HOATZ: variants seen among roughly 807,000 people sequenced by gnomAD.
HOATZ encodes the protein HOATZ cilia and flagella associated protein.
HOATZ carries 26 observed loss-of-function variants against 24.9 expected under a neutral mutation model. The ratio of observed to expected loss-of-function variants is 1.04; its 90% confidence interval spans 0.76 to 1.45. The LOEUF (loss-of-function observed/expected upper bound fraction) is 1.45. Among genes scored for constraint, HOATZ ranks in the 40% most tolerant of loss-of-function variants. The probability of loss-of-function intolerance (pLI) is 0.00; values close to 1 mark genes in which losing one functional copy is unlikely to be tolerated. For synonymous variants in HOATZ, 83 were observed against 76.6 expected, an observed-to-expected ratio of 1.08 and a Z score of -0.43; for missense variants, 226 against 201.5, an observed-to-expected ratio of 1.12 and a Z score of -0.74.
At chr11:111,519,737 C>T (rs1326838278) in intron 3 of HOATZ, among the ~76,000 whole-genome samples, 1 of 152,142 alleles carries the variant, frequency 6.6e-6, no homozygotes, top group Non-Finnish European at 1.5e-5. Flanking sequence ...TGAACATATA[C>T]ATTGATAAGT....
At chr11:111,526,640 G>A (rs1208536293) in intron 3 of HOATZ, 1 of 152,158 alleles carries the variant, frequency 6.6e-6, no homozygotes, top group Non-Finnish European at 1.5e-5. Flanking sequence ...TACAAGTTTA[G>A]TTTAGACTTA....
chr11:111,522,808 A>T (rs1322450341), intron 3 of HOATZ, among the ~76,000 whole-genome samples: 2 of 152,048 alleles, frequency 1.3e-5, no homozygotes, highest in African/African-American at 4.8e-5. Context: ...ATTTGCAGAC[A>T]TGCGGAAAGT....
At chr11:111,533,599 G>A in intron 3 of HOATZ, 147 bp from the exon 4 acceptor site, 1 of 504,890 alleles carries the variant, frequency 2.0e-6, no homozygotes, top group South Asian at 2.6e-5. Context: ...CAGGATTTTG[G>A]CACAAACAAA....
intron 3 of HOATZ, among the ~76,000 whole-genome samples, chr11:111,532,932 G>A (rs574748119): frequency 1.1e-4 from 16 of 152,060 alleles, no homozygotes; most frequent in Middle Eastern, 3.4e-3. Flanking sequence ...GTGATTTTCC[G>A]CCTGGCTATC....
intron 5 of HOATZ, chr11:111,536,004 G>T (rs1867446900): frequency 6.6e-6 from 1 of 152,112 alleles, no homozygotes; most frequent in South Asian, 2.1e-4. Flanking sequence ...GCATTACTCT[G>T]TGCCCATATT....
intron 2 of HOATZ, 120 bp downstream of exon 2, chr11:111,515,672 T>A: frequency 1.2e-6 from 1 of 846,268 alleles, no homozygotes; most frequent in Non-Finnish European, 1.9e-6. Flanking sequence ...AACACCTAAG[T>A]CCCTGCTCAG....
rs201561292 is a variant in HOATZ, at chr11:111,534,445, G to A, written c.433G>A (p.Ala145Thr). ...ELISLPYKPK[A>T]KEHKAKKVVS... ...GATTTCCCTTCCGTATAAACCAAAAGCCAAAGAACACAAAGCAAAGTAAGT... is the reference window on the plus strand; with the variant it reads ...GATTTCCCTTCCGTATAAACCAAAAACCAAAGAACACAAAGCAAAGTAAGT... Residue 145 changes from alanine (A) to threonine (T), a missense_variant, in exon 5 of 6, where the codon GCC becomes ACC. Ala to Thr is a moderately conservative substitution (Grantham distance 58). Transcript: ENST00000375618. 6.2e-7 allele frequency: 1 copy of A among 1,611,778 alleles called. No individual in the cohort carries two copies. The highest frequency in any genetic ancestry group is 2.2e-5 in the East Asian group (1 of 44,842).
intron 5 of HOATZ, chr11:111,535,730 C>G (rs747635088): frequency 5.9e-5 from 9 of 151,884 alleles, no homozygotes; most frequent in Non-Finnish European, 1.0e-4. Flanking sequence ...GCGATCTCAG[C>G]TCACTGCAAC....
intron 3 of HOATZ, among the ~76,000 whole-genome samples, chr11:111,517,677 TATC>T: frequency 6.6e-6 from 1 of 152,280 alleles, no homozygotes; most frequent in Middle Eastern, 3.4e-3. Context: ...TATATTATAA[TATC>T]ATGATAGATA....
chr11:111,532,583 A>C (rs1484125811), intron 3 of HOATZ, among the ~76,000 whole-genome samples: 4 of 152,224 alleles, frequency 2.6e-5, no homozygotes, highest in African/African-American at 9.6e-5. Flanking sequence ...AGAAAGAAGC[A>C]AAGAAACCCT....
chr11:111,519,815 T>G (rs1277780962), intron 3 of HOATZ, among the ~76,000 whole-genome samples: 1 of 152,246 alleles, frequency 6.6e-6, no homozygotes, highest in Non-Finnish European at 1.5e-5. Flanking sequence ...TTAAGGTTTA[T>G]TCTTCCACTT....
At chr11:111,525,497 C>T in intron 3 of HOATZ, among the ~76,000 whole-genome samples, 1 of 152,118 alleles carries the variant, frequency 6.6e-6, no homozygotes, top group East Asian at 1.9e-4. Context: ...GACATGTGGG[C>T]GCCCTGCACT....
intron 3 of HOATZ, among the ~76,000 whole-genome samples, chr11:111,522,438 A>G (rs1445124372): frequency 6.6e-6 from 1 of 152,226 alleles, no homozygotes; most frequent in East Asian, 1.9e-4. Context: ...GGCACATCTG[A>G]AATTAAAGCC....
chr11:111,528,836 A>G (rs1269982729), intron 3 of HOATZ, among the ~76,000 whole-genome samples: 1 of 152,124 alleles, frequency 6.6e-6, no homozygotes, highest in African/African-American at 2.4e-5. Flanking sequence ...ATGTGTCTGA[A>G]GTCTGTGTGT....
intron 3 of HOATZ, chr11:111,526,733 G>A (rs1376596607): frequency 1.3e-5 from 2 of 152,188 alleles, no homozygotes; most frequent in Non-Finnish European, 2.9e-5. Flanking sequence ...CAAAGAAGAA[G>A]TATGAGCCAG....
chr11:111,521,267 T>A (rs988678606), intron 3 of HOATZ, among the ~76,000 whole-genome samples: 9 of 152,170 alleles, frequency 5.9e-5, no homozygotes, highest in Non-Finnish European at 8.8e-5. Context: ...TTCAAAAGGT[T>A]GTATTTTTAG....
intron 3 of HOATZ, among the ~76,000 whole-genome samples, chr11:111,525,956 G>A (rs1169652993): frequency 1.3e-5 from 2 of 152,196 alleles, no homozygotes; most frequent in Non-Finnish European, 2.9e-5. Flanking sequence ...ATTTCTGAAA[G>A]AATTACAGTG....
chr11:111,519,966 G>A (rs145588862), intron 3 of HOATZ, among the ~76,000 whole-genome samples: 1 of 152,014 alleles, frequency 6.6e-6, no homozygotes, highest in Non-Finnish European at 1.5e-5. Flanking sequence ...TATTTTCCAG[G>A]TATACATTAT....
chr11:111,515,470 CT>C lies in HOATZ; in HGVS notation c.227-37del, dbSNP rs760039520. The C allele has an allele frequency of 1.5e-5, 24 of 1,569,154 alleles. No individual in the cohort carries two copies. In the African/African-American group the frequency reaches 1.8e-4, roughly 11 times the overall value. On this transcript the variant is annotated intron_variant, in intron 1 of 5. Transcript: ENST00000375618. ...ATTCAAACGCCTTTAATGTTGTTGA[CT>C]TTTCCAATGATTTCTTTACTTCCCT...
Sources: allele counts gnomAD v4.1 joint callset (sites outside exome capture counted in the v4.1 genomes callset), GRCh38; gene constraint gnomAD v4.1.1; transcripts MANE v1.5; gene names NCBI Gene and HGNC (gene_info 2026-07-23, HGNC 2026-07-21).